ZNF879: variants seen among roughly 807,000 people sequenced by gnomAD.
ZNF879 encodes zinc finger protein 879.
ZNF879 carries 32 observed loss-of-function variants against 44.3 expected under a neutral mutation model. The ratio of observed to expected loss-of-function variants is 0.72; its 90% CI spans 0.54 to 0.97. ZNF879 has a LOEUF of 0.97. Ranked by LOEUF, ZNF879 falls within the 50% of genes least tolerant of loss-of-function variation. ZNF879 has a pLI of 0.00. For synonymous variants in ZNF879, 234 were observed against 233.2 expected, an observed-to-expected ratio of 1.00 and a Z score of -0.03; for missense variants, 621 against 669.7, an observed-to-expected ratio of 0.93 and a Z score of 0.80.
At position 179,033,233 on chromosome 5, in the gene ZNF879, AAATGT is replaced by A; in HGVS notation, c.1290_1294del (p.Cys430Ter). The A allele has an allele frequency of 6.3e-7, 1 of 1,593,154 alleles. No homozygotes were observed. Among genetic ancestry groups the A allele is most frequent in the Non-Finnish European group, 8.6e-7 (1 of 1,169,526 alleles). On this transcript the variant is annotated frameshift_variant, in exon 5 of 5. Coordinates refer to ENST00000444149, the MANE Select transcript of ZNF879 (RefSeq NM_001136116.3). LOFTEE classifies it high-confidence loss of function. The stretch of plus-strand genomic sequence containing the variant: ...AATTCACACTGGAGAAAAACCCTAC[AAATGT>A]AATGAATGTGGGAAAGCCTTCTCTT...
In ZNF879 at chr5:179,033,128, C is replaced by T. The variant is rs1011214040; in HGVS notation, c.1180C>T (p.His394Tyr). The change falls in exon 5 of 5, where the codon CAC becomes TAC. Residue 394 changes from histidine (H) to tyrosine (Y), a missense_variant. Coordinates refer to ENST00000444149, the MANE Select transcript of ZNF879 (RefSeq NM_001136116.3). ...HSALIIHQRI[H>Y]TGEKPYACKE... ...AGCCCTTATCATACATCAGAGAATT[C>T]ACACTGGTGAGAAACCATATGCATG... The T allele has an allele frequency of 3.8e-6, 6 of 1,583,850 alleles. No homozygotes were observed.
chr5:179,032,609 A>C lies in ZNF879; in HGVS notation c.661A>C (p.Lys221Gln). 1.3e-6 allele frequency: 2 copies of C among 1,563,662 alleles called. No individual in the cohort carries two copies. Among genetic ancestry groups the C allele is most frequent in the African/African-American group, 2.7e-5 (2 of 73,474 alleles). The change falls in exon 5 of 5, where the codon AAA becomes CAA. Residue 221 changes from lysine to glutamine, a missense_variant. Coordinates refer to ENST00000444149, the MANE Select transcript of ZNF879 (RefSeq NM_001136116.3). ...KIFLHSSSLS[K>Q]HQRIHTGEKL... ...CTTCCTCCACAGTTCCTCCCTGAGT[A>C]AACACCAGAGAATCCACACTGGAGA...
Position 179,032,300 on chromosome 5 carries a change from G to T in ZNF879, c.352G>T (p.Glu118Ter), listed in dbSNP as rs1174054742. Residue 118 changes from glutamate (E) to a stop codon, truncating the protein, a stop_gained, in exon 5 of 5, where the codon GAG becomes TAG. Coordinates refer to ENST00000444149, the MANE Select transcript of ZNF879 (RefSeq NM_001136116.3). LOFTEE classifies it low-confidence loss of function (END_TRUNC). ...TGATGGCACATTTGACTTCAAGTTG[G>T]AGAAGACCTACATAAATGAAGATAA... is the stretch of plus-strand genomic sequence containing the variant. ...IIDGTFDFKLEKTYINEDKLE... is the reference protein window; with the variant it reads ...IIDGTFDFKL 1.3e-6 allele frequency: 2 copies of T among 1,548,866 alleles called. No individual in the cohort carries two copies. Among genetic ancestry groups the T allele is most frequent in the Non-Finnish European group, 1.7e-6 (2 of 1,146,466 alleles).
rs1761322792 is a variant in ZNF879, at chr5:179,028,223, GC to G, written c.256+98del. ...CTCAAGGGTCTCCTTGATGTGCCAG[GC>G]CAGGGGGAAATGCTGGGAAGGTAGA... On this transcript the variant is annotated intron_variant, in intron 4 of 4. Coordinates refer to ENST00000444149, the MANE Select transcript of ZNF879 (RefSeq NM_001136116.3). 6 of 1,076,972 alleles carry G rather than the reference GC, an allele frequency of 5.6e-6. No individual in the cohort carries two copies. The South Asian group carries it at 8.2e-5, about 15-fold the overall frequency. The allele number at this position is 1,076,972 out of a possible 1,614,324, so 66.7% of individuals were successfully genotyped here.
chr5:179,033,226 A>G lies in ZNF879; in HGVS notation c.1278A>G (p.Lys426=). The change falls in exon 5 of 5, where the codon AAA becomes AAG. Residue 426 remains lysine, a synonymous_variant. Coordinates refer to ENST00000444149, the MANE Select transcript of ZNF879 (RefSeq NM_001136116.3). Reference sequence around the variant, plus strand: ...ATCAAAGAATTCACACTGGAGAAAAACCCTACAAATGTAATGAATGTGGGA... The same window carrying G: ...ATCAAAGAATTCACACTGGAGAAAAGCCCTACAAATGTAATGAATGTGGGA... ...IQHQRIHTGE[K]PYKCNECGKA... The G allele has an allele frequency of 3.8e-6, 6 of 1,594,150 alleles. No individual in the cohort carries two copies. Among genetic ancestry groups the G allele is most frequent in the Non-Finnish European group, 5.1e-6 (6 of 1,170,068 alleles).
Position 179,033,692 on chromosome 5 carries a change from A to T in ZNF879, c.*52A>T. The stretch of plus-strand genomic sequence containing the variant: ...ACTGAAGTTATATTCCATACTGAGT[A>T]TCAAAAAATTCATTGTGGGGAGAAA... On this transcript the variant is annotated 3_prime_UTR_variant, in exon 5 of 5. Coordinates refer to ENST00000444149, the MANE Select transcript of ZNF879 (RefSeq NM_001136116.3). 7.6e-7 allele frequency: 1 copy of T among 1,323,698 alleles called. No homozygotes were observed. The highest frequency in any genetic ancestry group is 1.0e-6 in the Non-Finnish European group (1 of 988,306). The allele number at this position is 1,323,698 out of a possible 1,614,324, so 82.0% of individuals were successfully genotyped here.
At chr5:179,028,761 T>C (rs906680085) in intron 4 of ZNF879, among the ~76,000 whole-genome samples, 5 of 152,230 alleles carry the variant, frequency 3.3e-5, no homozygotes, top group Non-Finnish European at 7.3e-5. Flanking sequence ...ACTTTTTCCC[T>C]ATACGCCCTT....
At position 179,033,177 on chromosome 5, in the gene ZNF879, G is replaced by A; in HGVS notation, c.1229G>A (p.Ser410Asn). The A allele has an allele frequency of 6.3e-7, 1 of 1,593,902 alleles. No individual in the cohort carries two copies. Residue 410 changes from serine to asparagine, a missense_variant, in exon 5 of 5, where the codon AGC becomes AAC. Physicochemically the swap from Ser to Asn is conservative, Grantham distance 46. Transcript: ENST00000444149. ...TGCAAAGAATGTGGGAAAGCCTTCA[G>A]CCAAAGCTCAGCTCTCATACAACAT... Reference protein sequence around the residue: ...YACKECGKAFSQSSALIQHQR... With the variant: ...YACKECGKAFNQSSALIQHQR...
At chr5:179,026,149 T>G (rs577439758) in intron 2 of ZNF879, among the ~76,000 whole-genome samples, 3 of 152,002 alleles carry the variant, frequency 2.0e-5, no homozygotes, top group Admixed American at 6.5e-5. Flanking sequence ...TGTACGCCTT[T>G]GTGATTCTGT....
chr5:179,023,938 TGCGGCTGCC>T (rs1259371452), intron 1 of ZNF879, 34 bp downstream of exon 1: 3 of 152,338 alleles, frequency 2.0e-5, no homozygotes, highest in Non-Finnish European at 4.4e-5. Context: ...GCCCGGGGCG[TGCGGCTGCC>T]GCGGCGGGAC....
intron 3 of ZNF879, 90 bp from the exon 4 acceptor site, chr5:179,027,942 T>C: frequency 1.7e-6 from 2 of 1,144,334 alleles, no homozygotes; most frequent in Admixed American, 4.1e-5. Context: ...AACCTCCTCC[T>C]TCCCTGTACT....
rs989669992 is a variant in ZNF879, at chr5:179,034,601, C to G, written c.*961C>G. Reference sequence around the variant, plus strand: ...CTTACTTCCACTTTTTCGCCTTCATCAGACAAGGTTCACTTTCTCCCCACA... The same window carrying G: ...CTTACTTCCACTTTTTCGCCTTCATGAGACAAGGTTCACTTTCTCCCCACA... On this transcript the variant is annotated 3_prime_UTR_variant, in exon 5 of 5. Coordinates refer to ENST00000444149, the MANE Select transcript of ZNF879 (RefSeq NM_001136116.3). The G allele has an allele frequency of 2.6e-5, 4 of 152,304 alleles. No homozygotes were observed. Among genetic ancestry groups the G allele is most frequent in the Admixed American group, 2.0e-4 (3 of 15,296 alleles). The allele number at this position is 152,304 out of a possible 1,614,324, so 9.4% of individuals were successfully genotyped here.
At chr5:179,025,396 G>A (rs1761235981) in intron 2 of ZNF879, among the ~76,000 whole-genome samples, 1 of 152,012 alleles carries the variant, frequency 6.6e-6, no homozygotes, top group Non-Finnish European at 1.5e-5. Context: ...CAACAAGTTG[G>A]CAAGGCTGGT....
chr5:179,032,296 G>T lies in ZNF879; in HGVS notation c.348G>T (p.Lys116Asn). 6.5e-7 allele frequency: 1 copy of T among 1,547,698 alleles called. No individual in the cohort carries two copies. Among genetic ancestry groups the T allele is most frequent in the Non-Finnish European group, 8.7e-7 (1 of 1,146,188 alleles). ...KLIIDGTFDF[K>N]LEKTYINEDK... ...TAATTGATGGCACATTTGACTTCAA[G>T]TTGGAGAAGACCTACATAAATGAAG... Residue 116 changes from lysine (K) to asparagine (N), a missense_variant, in exon 5 of 5, where the codon AAG (lysine) becomes AAT (asparagine). By Grantham distance (94) the Lys-to-Asn change is moderately conservative (BLOSUM62 0). Transcript: ENST00000444149.
At chr5:179,027,269 C>T (rs1761297533) in intron 2 of ZNF879, among the ~76,000 whole-genome samples, 1 of 152,180 alleles carries the variant, frequency 6.6e-6, no homozygotes, top group Admixed American at 6.5e-5. Context: ...TCAAGTGCTT[C>T]TCTTGGTTGG....
At chr5:179,024,742 C>G (rs1761212689) in intron 1 of ZNF879, 1 of 520,276 alleles carries the variant, frequency 1.9e-6, no homozygotes, top group African/African-American at 1.9e-5. Context: ...TCCCTTCGCT[C>G]CTTTCGTCTT....
intron 3 of ZNF879, 138 bp downstream of exon 3, chr5:179,027,737 G>A (rs1330735596): frequency 3.5e-6 from 4 of 1,149,592 alleles, no homozygotes; most frequent in African/African-American, 3.1e-5. Context: ...TTGGTTGTAT[G>A]GAGAGACCTT....
intron 4 of ZNF879, among the ~76,000 whole-genome samples, chr5:179,031,710 G>A (rs745773117): frequency 2.0e-4 from 31 of 152,200 alleles, no homozygotes; most frequent in Non-Finnish European, 3.5e-4. Context: ...TAACGTTTGC[G>A]TAGCACACAG....
In ZNF879 at chr5:179,033,100, C is replaced by T; in HGVS notation, c.1152C>T (p.His384=). Residue 384 remains histidine (H), a synonymous_variant, in exon 5 of 5, where the codon CAC becomes CAT. Transcript: ENST00000444149. ...AGTGTGGAAAAGTATTCAGCTATCACTCAGCCCTTATCATACATCAGAGAA... is the reference window on the plus strand; with the variant it reads ...AGTGTGGAAAAGTATTCAGCTATCATTCAGCCCTTATCATACATCAGAGAA... The part of the protein sequence containing the change: ...CNECGKVFSY[H]SALIIHQRIH... 6.4e-7 allele frequency: 1 copy of T among 1,573,540 alleles called. No individual in the cohort carries two copies. Among genetic ancestry groups the T allele is most frequent in the Non-Finnish European group, 8.6e-7 (1 of 1,159,428 alleles).
Sources: allele counts gnomAD v4.1 joint callset (sites outside exome capture counted in the v4.1 genomes callset), GRCh38; gene constraint gnomAD v4.1.1; transcripts MANE v1.5; gene names NCBI Gene and HGNC (gene_info 2026-07-23, HGNC 2026-07-21).